Variants in KCTD1 observed in about 807,000 individuals in gnomAD.
KCTD1 encodes BTB/POZ domain-containing protein KCTD1.
KCTD1 carries 24 observed loss-of-function variants against 66.0 expected under a neutral mutation model. The ratio of observed to expected loss-of-function variants is 0.36; its 90% CI spans 0.26 to 0.51. The LOEUF is 0.51. KCTD1 is among the 20% of genes least tolerant of loss of function. The pLI is 0.95. For synonymous variants in KCTD1, 511 were observed against 517.2 expected (o/e 0.99, Z 0.16); for missense variants, 943 against 1,205.2 (o/e 0.78, Z 3.22).
At chr18:26,646,210 C>T (rs1436748724) in intron 1 of KCTD1, among the ~76,000 whole-genome samples, 2 of 152,148 alleles carry the variant, frequency 1.3e-5, no homozygotes, top group South Asian at 2.1e-4. Flanking sequence ...CATGCTGTTA[C>T]GTCCCTCTGT....
chr18:26,637,556 A>T (rs1270496252), intron 1 of KCTD1, among the ~76,000 whole-genome samples: 2 of 152,160 alleles, frequency 1.3e-5, no homozygotes, highest in Non-Finnish European at 2.9e-5. Flanking sequence ...AAACAGAGGG[A>T]AGTTAAGCCA....
chr18:26,533,768 G>T (rs2144784330), intron 1 of KCTD1, among the ~76,000 whole-genome samples: 1 of 149,970 alleles, frequency 6.7e-6, no homozygotes, highest in South Asian at 2.1e-4. Flanking sequence ...CCAAAGTGCT[G>T]GAATTACAGG....
intron 1 of KCTD1, among the ~76,000 whole-genome samples, chr18:26,506,024 C>T (rs1006508384): frequency 4.6e-5 from 7 of 151,850 alleles, no homozygotes; most frequent in Non-Finnish European, 8.8e-5. Context: ...TGCAGGTGTG[C>T]GCCACCACCC....
upstream of KCTD1, among the ~76,000 whole-genome samples, chr18:26,630,644 T>C (rs1215919885): frequency 1.3e-5 from 2 of 152,212 alleles, no homozygotes; most frequent in Admixed American, 6.5e-5. Flanking sequence ...CCACGTCTGC[T>C]TAGTGTTCTG....
intron 2 of KCTD1, among the ~76,000 whole-genome samples, chr18:26,479,664 G>A (rs1221373464): frequency 6.6e-6 from 1 of 152,226 alleles, no homozygotes; most frequent in Non-Finnish European, 1.5e-5. Context: ...CAAACGCTGG[G>A]AGTAATAAAA....
intron 1 of KCTD1, among the ~76,000 whole-genome samples, chr18:26,635,321 C>T (rs1318198634): frequency 2.0e-5 from 3 of 152,208 alleles, no homozygotes; most frequent in East Asian, 1.9e-4. Context: ...ACTGTGCCCA[C>T]AGGACTAGGG....
chr18:26,465,238 C>T (rs1200728469), intron 3 of KCTD1, among the ~76,000 whole-genome samples: 1 of 152,186 alleles, frequency 6.6e-6, no homozygotes, highest in South Asian at 2.1e-4. Context: ...TGCCCGCCAC[C>T]ATGCCCGGCT....
intron 1 of KCTD1, among the ~76,000 whole-genome samples, chr18:26,532,820 C>A (rs776650368): frequency 5.9e-5 from 9 of 152,208 alleles, no homozygotes; most frequent in Non-Finnish European, 1.3e-4. Context: ...AGTAGCTGCT[C>A]AGTTACTTCC....
chr18:26,579,021 A>G (rs1440063468), intron 1 of KCTD1, among the ~76,000 whole-genome samples: 1 of 152,158 alleles, frequency 6.6e-6, no homozygotes, highest in Non-Finnish European at 1.5e-5. Flanking sequence ...TATAGTTCCT[A>G]CAGGATGTGT....
chr18:26,653,018 T>C (rs1988065180), intron 1 of KCTD1, among the ~76,000 whole-genome samples: 2 of 152,182 alleles, frequency 1.3e-5, no homozygotes, highest in Admixed American at 6.5e-5. Context: ...CCATCAGTAT[T>C]TCCCCTACCC....
chr18:26,574,012 T>A (rs1172757133), intron 1 of KCTD1, among the ~76,000 whole-genome samples: 1 of 152,140 alleles, frequency 6.6e-6, no homozygotes, highest in Non-Finnish European at 1.5e-5. Context: ...ATCAAACCCC[T>A]TCTTGAGAGC....
intron 1 of KCTD1, among the ~76,000 whole-genome samples, chr18:26,580,529 G>A (rs1355983833): frequency 6.6e-6 from 1 of 152,118 alleles, no homozygotes; most frequent in Admixed American, 6.5e-5. Context: ...GGAGCCCAAG[G>A]ATGTGATTTA....
chr18:26,628,683 CA>C (rs1042150041), intron 1 of KCTD1, among the ~76,000 whole-genome samples: 1 of 151,326 alleles, frequency 6.6e-6, no homozygotes, highest in Non-Finnish European at 1.5e-5. Context: ...CAACTTTCTA[CA>C]AAAAAAATAT....
chr18:26,626,814 C>A (rs183654050), intron 1 of KCTD1, among the ~76,000 whole-genome samples: 90 of 152,178 alleles, frequency 5.9e-4, no homozygotes, highest in Non-Finnish European at 1.1e-3. Context: ...TATCCATGGG[C>A]AGATGAGGGG....
intron 1 of KCTD1, among the ~76,000 whole-genome samples, chr18:26,538,540 G>A (rs1465443525): frequency 6.6e-6 from 1 of 152,060 alleles, no homozygotes; most frequent in Non-Finnish European, 1.5e-5. Flanking sequence ...ACAACAGAGG[G>A]GCCCCCGGTG....
chr18:26,630,167 T>A (rs947454359), upstream of KCTD1, among the ~76,000 whole-genome samples: 3 of 152,172 alleles, frequency 2.0e-5, no homozygotes, highest in Admixed American at 2.0e-4. Context: ...TGCTGGTGCC[T>A]TCCTGCTAAT....
chr18:26,507,701 C>CTT (rs1213164495), intron 1 of KCTD1, among the ~76,000 whole-genome samples: 1 of 147,578 alleles, frequency 6.8e-6, no homozygotes, highest in Non-Finnish European at 1.5e-5. Flanking sequence ...TGACACTATA[C>CTT]TTTTTTTTTT....
intron 1 of KCTD1, among the ~76,000 whole-genome samples, chr18:26,611,377 GTCTC>G (rs1340255679): frequency 1.3e-5 from 2 of 151,866 alleles, no homozygotes; most frequent in African/African-American, 4.8e-5. Flanking sequence ...TTGAGATGGA[GTCTC>G]TCTCTGTCTC....
intron 1 of KCTD1, among the ~76,000 whole-genome samples, chr18:26,654,728 A>T (rs1021191803): frequency 4.6e-5 from 7 of 152,186 alleles, no homozygotes; most frequent in Admixed American, 4.6e-4. Flanking sequence ...CCTTCTTCTT[A>T]ACATAAGCCT....
Sources: allele counts gnomAD v4.1 joint callset (sites outside exome capture counted in the v4.1 genomes callset), GRCh38; gene constraint gnomAD v4.1.1; transcripts MANE v1.5; gene names NCBI Gene and HGNC (gene_info 2026-07-23, HGNC 2026-07-21).